AK7: variants seen among roughly 807,000 people sequenced by gnomAD.
The protein encoded by AK7 is ATP-AMP transphosphorylase 7.
A neutral mutation model predicts 96.6 loss-of-function variants in AK7; 78 were observed. That is an observed-to-expected ratio of 0.81 (90% confidence interval 0.67 to 0.97). The LOEUF (loss-of-function observed/expected upper bound fraction) is 0.97. Among genes scored for constraint, AK7 ranks in the 50% least tolerant of loss-of-function variants. The pLI, the probability that AK7 is intolerant of heterozygous loss-of-function variation, is 0.00. For missense variants in AK7, 855 were observed against 887.9 expected, an observed-to-expected ratio of 0.96 and a Z score of 0.47; for synonymous variants, 302 against 317.2, an observed-to-expected ratio of 0.95 and a Z score of 0.51.
At chr14:96,442,583 G>A (rs1893016719) in intron 6 of AK7, 147 bp from the exon 7 acceptor site, 1 of 716,748 alleles carries the variant, frequency 1.4e-6, no homozygotes, top group East Asian at 2.5e-5. Context: ...AATCTCATCA[G>A]GGCTGATTTA....
At chr14:96,392,812 G>A (rs1288106751) in intron 1 of AK7, among the ~76,000 whole-genome samples, 1 of 151,916 alleles carries the variant, frequency 6.6e-6, no homozygotes, top group Non-Finnish European at 1.5e-5. Flanking sequence ...ACAGGCGCCC[G>A]ACACCGCGCC....
At chr14:96,417,047 A>G (rs1021877773) in intron 4 of AK7, among the ~76,000 whole-genome samples, 3 of 152,220 alleles carry the variant, frequency 2.0e-5, no homozygotes, top group Admixed American at 6.5e-5. Flanking sequence ...CGTTGAAGAC[A>G]AAGGGTAGGG....
At chr14:96,472,608 A>T (rs538254210) in intron 13 of AK7, 79 bp from the exon 14 acceptor site, 3 of 1,101,868 alleles carry the variant, frequency 2.7e-6, no homozygotes, top group Non-Finnish European at 2.7e-6. Flanking sequence ...CTTGCTACTT[A>T]AGATATTTGG....
chr14:96,432,202 C>CTTT (rs71103525), intron 5 of AK7, among the ~76,000 whole-genome samples: 34 of 101,190 alleles, frequency 3.4e-4, no homozygotes, highest in Admixed American at 8.6e-4. Flanking sequence ...GCAACCCCTG[C>CTTT]TTTTTTTTTT....
intron 10 of AK7, among the ~76,000 whole-genome samples, chr14:96,454,095 C>T (rs1031615477): frequency 3.3e-5 from 5 of 152,196 alleles, no homozygotes; most frequent in Admixed American, 6.5e-5. Flanking sequence ...GATGGGACAG[C>T]GCTGCTAGCC....
At chr14:96,454,193 G>A (rs113228515) in intron 10 of AK7, among the ~76,000 whole-genome samples, 1,614 of 152,242 alleles carry the variant, frequency 0.011, 13 homozygotes, top group Middle Eastern at 0.037. Flanking sequence ...CAACTTGGTG[G>A]ATGAAATTAT....
rs565116231 is a variant in AK7, at chr14:96,429,271, T to C, written c.609+8339T>C. 8.5e-5 allele frequency among the ~76,000 whole-genome samples: 13 copies of C among 152,286 alleles called. 1 individual carries two copies. Among genetic ancestry groups the C allele is most frequent in the African/African-American group, 2.9e-4 (12 of 41,556 alleles). On this transcript the variant is annotated intron_variant, in intron 5 of 17. Transcript: ENST00000267584. ...AGGTTTGTCAAAGATCAGATGGTTGTAGATGTGTGGTGTTATTTCTGAGGC... is the reference window on the plus strand; with the variant it reads ...AGGTTTGTCAAAGATCAGATGGTTGCAGATGTGTGGTGTTATTTCTGAGGC...
rs1242948533 is a variant in AK7 at position 96,398,344 on chromosome 14, T to C, written c.294+81T>C. The C allele has an allele frequency of 2.0e-6, 3 of 1,469,362 alleles. No homozygotes were observed. In the Admixed American group the frequency reaches 5.3e-5, roughly 26 times the overall value. The allele number at this position is 1,469,362 out of a possible 1,614,324, so 91.0% of individuals were successfully genotyped here. On this transcript the variant is annotated intron_variant, in intron 2 of 17. Coordinates refer to ENST00000267584, the MANE Select transcript of AK7 (RefSeq NM_152327.5). Reference sequence around the variant, plus strand: ...CCAACGCCTTGACAACTTGTTTTACTGTTTGCCTCCCCTCCCCTCTCTTCC... The same window carrying C: ...CCAACGCCTTGACAACTTGTTTTACCGTTTGCCTCCCCTCCCCTCTCTTCC...
chr14:96,392,393 C>T (rs955603096), intron 1 of AK7, 134 bp downstream of exon 1: 4 of 698,644 alleles, frequency 5.7e-6, no homozygotes, highest in Admixed American at 2.8e-5. Flanking sequence ...GTCCCGCGTC[C>T]TGGGCACCAC....
At chr14:96,482,759 A>C (rs959544483) in intron 15 of AK7, among the ~76,000 whole-genome samples, 31 of 152,130 alleles carry the variant, frequency 2.0e-4, no homozygotes, top group African/African-American at 7.5e-4. Flanking sequence ...CACTCAAATC[A>C]AGTCATTGTT....
intron 12 of AK7, among the ~76,000 whole-genome samples, chr14:96,464,165 TTTA>T (rs1447272533): frequency 6.6e-6 from 1 of 151,824 alleles, no homozygotes; most frequent in African/African-American, 2.4e-5. Flanking sequence ...GAAGAGATAG[TTTA>T]TTGAAAGCTA....
At position 96,440,221 on chromosome 14, in the gene AK7, G is replaced by A. The variant is rs531416649; in HGVS notation, c.690+2306G>A. On this transcript the variant is annotated intron_variant, in intron 6 of 17. Coordinates refer to ENST00000267584, the MANE Select transcript of AK7 (RefSeq NM_152327.5). ...GAACTCCTGACTTCGTGATCCGCCC[G>A]CCTCAGCCTCCAAAGTGCTGGGATT... 3.3e-5 allele frequency among the ~76,000 whole-genome samples: 5 copies of A among 152,222 alleles called. No individual in the cohort carries two copies. The East Asian group carries it at 5.8e-4, about 18-fold the overall frequency.
chr14:96,451,916 G>A (rs972328332), intron 10 of AK7, among the ~76,000 whole-genome samples: 5 of 152,022 alleles, frequency 3.3e-5, no homozygotes, highest in Non-Finnish European at 5.9e-5. Flanking sequence ...GAGTGATGTC[G>A]CAGTGTTGTC....
intron 14 of AK7, among the ~76,000 whole-genome samples, chr14:96,473,604 T>C: frequency 6.6e-6 from 1 of 152,094 alleles, no homozygotes; most frequent in South Asian, 2.1e-4. Context: ...AGGAAAAATA[T>C]TAAAAGACAT....
At chr14:96,402,734 T>C (rs565602193) in intron 2 of AK7, among the ~76,000 whole-genome samples, 1 of 152,188 alleles carries the variant, frequency 6.6e-6, no homozygotes, top group African/African-American at 2.4e-5. Flanking sequence ...GGTCGAGTTG[T>C]TTCTCCCCCA....
intron 5 of AK7, among the ~76,000 whole-genome samples, chr14:96,425,541 G>A (rs995887022): frequency 7.0e-6 from 1 of 143,176 alleles, no homozygotes; most frequent in Non-Finnish European, 1.5e-5. Flanking sequence ...GGAGTGCAGT[G>A]GCATGATCTC....
intron 8 of AK7, among the ~76,000 whole-genome samples, chr14:96,448,126 CAAAAA>C (rs557075450): frequency 1.2e-5 from 1 of 81,942 alleles, no homozygotes. Context: ...GAGACCCTGT[CAAAAA>C]AAAAAAAAAA....
rs114000340 is a variant in AK7, at chr14:96,462,144, G to A, written c.1357+3932G>A. 5.6e-3 allele frequency among the ~76,000 whole-genome samples: 858 copies of A among 152,292 alleles called. 19 individuals carry two copies. The highest frequency in any genetic ancestry group is 0.02 in the African/African-American group (814 of 41,558). On this transcript the variant is annotated intron_variant, in intron 12 of 17. Coordinates refer to ENST00000267584, the MANE Select transcript of AK7 (RefSeq NM_152327.5). ...CAAACAGGTTCAGCAGCCTCTGTCA[G>A]GAGAGATGTAAGAGGGGCCCTGGGA...
At chr14:96,431,011 T>G (rs141574786) in intron 5 of AK7, among the ~76,000 whole-genome samples, 12,966 of 152,244 alleles carry the variant, frequency 0.085, 638 homozygotes, top group East Asian at 0.12. Flanking sequence ...GGAGGGTGTA[T>G]GTGTCCAGGA....
Sources: gnomAD v4.1 joint callset for allele counts (sites outside exome capture counted in the v4.1 genomes callset) on GRCh38, gnomAD v4.1.1 for gene constraint, MANE v1.5 for transcripts, NCBI Gene and HGNC (gene_info 2026-07-23, HGNC 2026-07-21) for gene names.